Variants in GLRA3 observed in about 807,000 individuals in gnomAD.
The protein encoded by GLRA3 is glycine receptor alpha 3, also known as glycine receptor subunit alpha-3.
A neutral mutation model predicts 60.4 loss-of-function variants in GLRA3; 44 were observed. The observed-to-expected ratio is 0.73, with a 90% CI of 0.57 to 0.94. GLRA3 has a LOEUF of 0.94. Ranked by LOEUF, GLRA3 falls within the 40% of genes least tolerant of loss-of-function variation. GLRA3 has a pLI of 0.00. For missense variants in GLRA3, 508 were observed against 564.6 expected (o/e 0.90, Z 1.02); for synonymous variants, 223 against 192.9 (o/e 1.16, Z -1.29).
At chr4:174,793,840 A>G (rs1259826679) in intron 1 of GLRA3, among the ~76,000 whole-genome samples, 3 of 152,102 alleles carry the variant, frequency 2.0e-5, no homozygotes, top group African/African-American at 7.2e-5. Flanking sequence ...CTATCTTTTC[A>G]TATATATTTT....
Position 174,798,869 on chromosome 4 carries a change from C to T in GLRA3, c.72-9926G>A, listed in dbSNP as rs527997613. Among the ~76,000 whole-genome samples the T allele has an allele frequency of 4.6e-5, 7 of 151,618 alleles. No individual in the cohort carries two copies. The East Asian group carries it at 5.8e-4, about 13-fold the overall frequency. On this transcript the variant is annotated intron_variant, in intron 1 of 9. Coordinates refer to ENST00000274093, the MANE Select transcript of GLRA3 (RefSeq NM_006529.4). ...CCGGGAGGCGGAGCTTGCAGTGAGCCGAGATAGCACCACTGCACTCCAGCC... is the reference window on the plus strand; with the variant it reads ...CCGGGAGGCGGAGCTTGCAGTGAGCTGAGATAGCACCACTGCACTCCAGCC...
chr4:174,822,596 A>C (rs1357739058), intron 1 of GLRA3, among the ~76,000 whole-genome samples: 1 of 152,222 alleles, frequency 6.6e-6, no homozygotes, highest in Admixed American at 6.5e-5. Flanking sequence ...TCTAAAATTT[A>C]GGTAGGATAC....
intron 1 of GLRA3, among the ~76,000 whole-genome samples, chr4:174,801,118 C>T (rs1739795171): frequency 6.6e-6 from 1 of 152,024 alleles, no homozygotes; most frequent in African/African-American, 2.4e-5. Flanking sequence ...ATATTTTCAA[C>T]TTATGATGAG....
chr4:174,707,161 A>G (rs1370225322), intron 5 of GLRA3, among the ~76,000 whole-genome samples: 1 of 152,196 alleles, frequency 6.6e-6, no homozygotes, highest in Non-Finnish European at 1.5e-5. Context: ...GATTTTTTTC[A>G]GTAGTAATAA....
chr4:174,722,608 G>C (rs1479938541), intron 4 of GLRA3: 2 of 153,184 alleles, frequency 1.3e-5, no homozygotes, highest in Admixed American at 6.5e-5. Flanking sequence ...TCATCCTCCT[G>C]TGTGTTAACG....
chr4:174,643,766 A>C lies in GLRA3; in HGVS notation c.*20T>G, dbSNP rs779887407. 6.2e-7 allele frequency: 1 copy of C among 1,603,994 alleles called. No individual in the cohort carries two copies. Among genetic ancestry groups the C allele is most frequent in the Non-Finnish European group, 8.5e-7 (1 of 1,174,016 alleles). Reference sequence around the variant, plus strand: ...ACTTTCTTCTGAATTGACCATTTGCATTTGCATGCCCCCAGAGACTTAATC... The same window carrying C: ...ACTTTCTTCTGAATTGACCATTTGCCTTTGCATGCCCCCAGAGACTTAATC... On this transcript the variant is annotated 3_prime_UTR_variant, in exon 10 of 10. Transcript: ENST00000274093.
intron 5 of GLRA3, among the ~76,000 whole-genome samples, chr4:174,688,242 A>G (rs1430793042): frequency 3.4e-5 from 5 of 146,888 alleles, no homozygotes; most frequent in Admixed American, 2.1e-4. Flanking sequence ...CATCTAATAA[A>G]ACACCTTTCC....
rs774943030 is a variant in GLRA3 at position 174,736,248 on chromosome 4, A to C, written c.268-7550T>G. Among the ~76,000 whole-genome samples the C allele has an allele frequency of 3.7e-4, 56 of 152,166 alleles. 1 individual carries two copies. Among genetic ancestry groups the C allele is most frequent in the Non-Finnish European group, 1.0e-4 (7 of 68,028 alleles). The stretch of plus-strand genomic sequence containing the variant: ...AATTTAAAAAATTGTGGTCAAATAT[A>C]CATAACATTTATCATCAAAGATGAT... On this transcript the variant is annotated intron_variant, in intron 3 of 9. Coordinates refer to ENST00000274093, the MANE Select transcript of GLRA3 (RefSeq NM_006529.4).
chr4:174,653,311 G>A (rs1048836120), intron 9 of GLRA3, among the ~76,000 whole-genome samples: 4 of 151,780 alleles, frequency 2.6e-5, no homozygotes, highest in Non-Finnish European at 5.9e-5. Context: ...TAAAATATCT[G>A]TCTAAAATAA....
chr4:174,828,817 GGAGA>G lies in GLRA3; in HGVS notation c.-10_-7del. ...AAGTGTCTCACGTGGGCCATGATAC[GGAGA>G]GATATTCACGATCCTGAAAATAGTC... On this transcript the variant is annotated 5_prime_UTR_variant, in exon 1 of 10. Coordinates refer to ENST00000274093, the MANE Select transcript of GLRA3 (RefSeq NM_006529.4). 1.3e-6 allele frequency: 2 copies of G among 1,592,718 alleles called. No homozygotes were observed. Among genetic ancestry groups the G allele is most frequent in the Non-Finnish European group, 1.7e-6 (2 of 1,160,536 alleles).
At chr4:174,710,231 G>C (rs1424444880) in intron 5 of GLRA3, among the ~76,000 whole-genome samples, 1 of 151,920 alleles carries the variant, frequency 6.6e-6, no homozygotes, top group Admixed American at 6.6e-5. Flanking sequence ...TCAATAAGCA[G>C]TACTTCTAAG....
rs555345724 is a variant in GLRA3, at chr4:174,657,581, C to T, written c.1072-794G>A. On this transcript the variant is annotated intron_variant, in intron 8 of 9. Transcript: ENST00000274093. ...AGACCAGAGTGTCATCCCTGTGATA[C>T]AGCATTTGTACTGTCGTTGTTCAAC... 3.3e-5 allele frequency among the ~76,000 whole-genome samples: 5 copies of T among 152,084 alleles called. No homozygotes were observed. The South Asian group carries it at 1.0e-3, about 32-fold the overall frequency.
chr4:174,792,763 G>T (rs1440653060), intron 1 of GLRA3, among the ~76,000 whole-genome samples: 1 of 152,100 alleles, frequency 6.6e-6, no homozygotes, highest in South Asian at 2.1e-4. Flanking sequence ...CTCCAAGTTA[G>T]GTCACAGAAA....
At chr4:174,786,325 G>A (rs1291250356) in intron 2 of GLRA3, among the ~76,000 whole-genome samples, 2 of 151,998 alleles carry the variant, frequency 1.3e-5, no homozygotes, top group East Asian at 1.9e-4. Context: ...GAGAAAAAAT[G>A]AGTGCAATAT....
intron 9 of GLRA3, among the ~76,000 whole-genome samples, chr4:174,644,677 T>C (rs1732750184): frequency 6.6e-6 from 1 of 152,178 alleles, no homozygotes; most frequent in African/African-American, 2.4e-5. Context: ...ATGACTATGT[T>C]CCAGGCACAT....
At chr4:174,658,366 G>A (rs1733294235) in intron 8 of GLRA3, among the ~76,000 whole-genome samples, 1 of 152,114 alleles carries the variant, frequency 6.6e-6, no homozygotes, top group South Asian at 2.1e-4. Flanking sequence ...GCATGTCAAG[G>A]AAGATGCCAT....
chr4:174,680,834 A>C (rs1366891858), intron 6 of GLRA3, among the ~76,000 whole-genome samples: 3 of 152,016 alleles, frequency 2.0e-5, no homozygotes, highest in Non-Finnish European at 4.4e-5. Context: ...TTCTGGGGGG[A>C]AAGGGTATTT....
chr4:174,704,703 A>G lies in GLRA3; in HGVS notation c.574+10785T>C, dbSNP rs573960142. ...AATATGAAAGTAACCCATTTCCATCAATGGATGAATGGAGAAATAAAATAT... is the reference window on the plus strand; with the variant it reads ...AATATGAAAGTAACCCATTTCCATCGATGGATGAATGGAGAAATAAAATAT... On this transcript the variant is annotated intron_variant, in intron 5 of 9. Coordinates refer to ENST00000274093, the MANE Select transcript of GLRA3 (RefSeq NM_006529.4). Among the ~76,000 whole-genome samples, 7 of 144,136 alleles carry G rather than the reference A, an allele frequency of 4.9e-5. 1 individual carries two copies. The South Asian group carries it at 1.5e-3, about 32-fold the overall frequency. 94.6% of individuals were successfully genotyped at this position (144,136 alleles called of 152,430 possible).
chr4:174,759,709 G>A (rs1217690366), intron 3 of GLRA3, among the ~76,000 whole-genome samples: 5 of 152,112 alleles, frequency 3.3e-5, no homozygotes, highest in Non-Finnish European at 7.4e-5. Flanking sequence ...CGTGATATCA[G>A]TGCAGGCATA....
Sources: gnomAD v4.1 joint callset for allele counts (sites outside exome capture counted in the v4.1 genomes callset) on GRCh38, gnomAD v4.1.1 for gene constraint, MANE v1.5 for transcripts, NCBI Gene and HGNC (gene_info 2026-07-23, HGNC 2026-07-21) for gene names.